CDYL: variants seen among roughly 807,000 people sequenced by gnomAD.
The protein encoded by CDYL is chromodomain Y-like protein.
Under a neutral mutation model 47.3 loss-of-function variants are expected in CDYL, and 8 were observed. The ratio of observed to expected loss-of-function variants is 0.17; its 90% CI spans 0.10 to 0.31. CDYL has a LOEUF of 0.31. Ranked by LOEUF, CDYL falls within the 10% of genes least tolerant of loss-of-function variation. The pLI is 1.00. For missense variants in CDYL, 471 were observed against 701.4 expected (o/e 0.67, Z 3.71); for synonymous variants, 266 against 265.0 (o/e 1.00, Z -0.04).
intron 1 of CDYL, among the ~76,000 whole-genome samples, chr6:4,819,554 C>T (rs1759775404): frequency 6.6e-6 from 1 of 152,162 alleles, no homozygotes; most frequent in Non-Finnish European, 1.5e-5. Flanking sequence ...ATCATCATGA[C>T]AACATCTTGA....
intron 3 of CDYL, among the ~76,000 whole-genome samples, chr6:4,768,795 A>C (rs1758293957): frequency 6.6e-6 from 1 of 152,184 alleles, no homozygotes; most frequent in Admixed American, 6.5e-5. Context: ...CAGAAATCTG[A>C]CAAGCACTGT....
intron 1 of CDYL, among the ~76,000 whole-genome samples, chr6:4,817,706 A>G (rs1759713260): frequency 6.6e-6 from 1 of 152,164 alleles, no homozygotes; most frequent in Non-Finnish European, 1.5e-5. Flanking sequence ...TGTATTATTC[A>G]TGACTCATCG....
intron 6 of CDYL, among the ~76,000 whole-genome samples, chr6:4,952,671 A>G (rs969048210): frequency 6.6e-6 from 1 of 152,174 alleles, no homozygotes; most frequent in Non-Finnish European, 1.5e-5. Context: ...AAAGTCAACA[A>G]CAACTAACAT....
rs747714804 is a variant in CDYL at position 4,953,934 on chromosome 6, A to G, written c.1513A>G (p.Met505Val). 1.2e-6 allele frequency: 2 copies of G among 1,613,904 alleles called. No homozygotes were observed. The highest frequency in any genetic ancestry group is 1.7e-4 in the Middle Eastern group (1 of 6,034). ...EESKALVRCN[M>V]KMELEQANER... The stretch of plus-strand genomic sequence containing the variant: ...ATCCAAAGCCCTCGTGCGCTGCAAC[A>G]TGAAGATGGAGCTGGAGCAGGCCAA... Residue 505 changes from methionine (M) to valine (V), a missense_variant, in exon 7 of 7, where the codon ATG becomes GTG. Physicochemically the swap from Met to Val is conservative, Grantham distance 21. Transcript: ENST00000397588.
chr6:4,926,492 A>AAC (rs1334989731), intron 2 of CDYL, among the ~76,000 whole-genome samples: 2 of 125,454 alleles, frequency 1.6e-5, no homozygotes, highest in Admixed American at 7.5e-5. Context: ...CTGCCTTGAA[A>AAC]ACATTAAAAC....
intron 1 of CDYL, among the ~76,000 whole-genome samples, chr6:4,707,523 C>T (rs1040162277): frequency 4.6e-5 from 7 of 152,164 alleles, no homozygotes; most frequent in Non-Finnish European, 8.8e-5. Flanking sequence ...CTGCCCTCCT[C>T]GGCCTCCCAA....
At chr6:4,920,181 C>T (rs1386917256) in intron 2 of CDYL, among the ~76,000 whole-genome samples, 3 of 151,894 alleles carry the variant, frequency 2.0e-5, no homozygotes, top group Non-Finnish European at 4.4e-5. Flanking sequence ...GGGCTTGGGG[C>T]GTGGGAGTGG....
chr6:4,929,060 C>T (rs778838711), intron 2 of CDYL, among the ~76,000 whole-genome samples: 1 of 152,132 alleles, frequency 6.6e-6, no homozygotes, highest in Non-Finnish European at 1.5e-5. Context: ...TGTATTCAGG[C>T]TTCTGTCTGG....
intron 3 of CDYL, among the ~76,000 whole-genome samples, chr6:4,750,754 G>A (rs942226458): frequency 7.2e-5 from 11 of 151,916 alleles, no homozygotes; most frequent in Non-Finnish European, 8.8e-5. Context: ...ATATAGACAG[G>A]AGTTTGTTAT....
intron 1 of CDYL, among the ~76,000 whole-genome samples, chr6:4,878,575 T>A (rs888050187): frequency 6.6e-5 from 10 of 152,220 alleles, no homozygotes; most frequent in Admixed American, 6.5e-4. Context: ...AATTTATTGG[T>A]ATAATGTTTT....
At chr6:4,907,293 G>A (rs1029352017) in intron 2 of CDYL, among the ~76,000 whole-genome samples, 1 of 152,226 alleles carries the variant, frequency 6.6e-6, no homozygotes, top group African/African-American at 2.4e-5. Context: ...AGTTATGGAA[G>A]GATTGGAAGA....
intron 2 of CDYL, among the ~76,000 whole-genome samples, chr6:4,897,755 A>C (rs562283911): frequency 1.5e-4 from 1 of 6,678 alleles, no homozygotes; most frequent in Non-Finnish European, 0.014. Flanking sequence ...CCATCTTCAT[A>C]AAAATAACTA....
chr6:4,884,064 A>T (rs994117336), intron 1 of CDYL, among the ~76,000 whole-genome samples: 9 of 152,224 alleles, frequency 5.9e-5, no homozygotes, highest in African/African-American at 2.2e-4. Context: ...AAATTTGTCC[A>T]TGACGTTCTC....
chr6:4,853,469 G>C (rs1019792210), intron 1 of CDYL, among the ~76,000 whole-genome samples: 1 of 152,078 alleles, frequency 6.6e-6, no homozygotes, highest in African/African-American at 2.4e-5. Context: ...AGTTTTGGCA[G>C]ACCTCTTCCT....
intron 3 of CDYL, among the ~76,000 whole-genome samples, chr6:4,748,811 C>T (rs1289487708): frequency 6.6e-6 from 1 of 152,180 alleles, no homozygotes; most frequent in African/African-American, 2.4e-5. Context: ...TATAATTATT[C>T]ATCTCTAAAG....
exon 2 of CDYL, chr6:4,715,846 G>C (rs573907785): frequency 6.2e-7 from 1 of 1,614,148 alleles, no homozygotes; most frequent in African/African-American, 1.3e-5. Context: ...CAATACGAGG[G>C]CCCAACCCAA....
At chr6:4,866,506 CACTT>C (rs1425723657) in intron 1 of CDYL, among the ~76,000 whole-genome samples, 1 of 152,040 alleles carries the variant, frequency 6.6e-6, no homozygotes, top group East Asian at 1.9e-4. Flanking sequence ...AGTAAGTTCT[CACTT>C]AACGTCATCA....
intron 5 of CDYL, among the ~76,000 whole-genome samples, chr6:4,944,268 G>T (rs1351134812): frequency 6.6e-6 from 1 of 152,214 alleles, no homozygotes; most frequent in Non-Finnish European, 1.5e-5. Context: ...GCAGGAGGTG[G>T]TGTCACAGGT....
intron 1 of CDYL, among the ~76,000 whole-genome samples, chr6:4,825,373 A>G (rs1759952894): frequency 6.6e-6 from 1 of 152,122 alleles, no homozygotes; most frequent in Non-Finnish European, 1.5e-5. Context: ...ATGAGTAGTG[A>G]TAGTTTTACT....
Sources: gnomAD v4.1 joint callset for allele counts (sites outside exome capture counted in the v4.1 genomes callset) on GRCh38, gnomAD v4.1.1 for gene constraint, MANE v1.5 for transcripts, NCBI Gene and HGNC (gene_info 2026-07-23, HGNC 2026-07-21) for gene names.